Variants in PTPRN2 observed in about 807,000 individuals in gnomAD.
The protein encoded by PTPRN2 is receptor-type tyrosine-protein phosphatase N2.
Under a neutral mutation model 118.8 loss-of-function variants are expected in PTPRN2, and 74 were observed. That is an observed-to-expected ratio of 0.62 (90% CI 0.52 to 0.76). The LOEUF is 0.76. Among genes scored for constraint, PTPRN2 ranks in the 30% least tolerant of loss-of-function variants. The pLI, the probability that PTPRN2 is intolerant of heterozygous loss-of-function variation, is 0.00. For missense variants in PTPRN2, 1,481 were observed against 1,394.4 expected, an observed-to-expected ratio of 1.06 and a Z score of -0.99; for synonymous variants, 641 against 608.0, an observed-to-expected ratio of 1.05 and a Z score of -0.80.
intron 1 of PTPRN2, among the ~76,000 whole-genome samples, chr7:158,545,878 A>T (rs1826247341): frequency 6.6e-6 from 1 of 152,204 alleles, no homozygotes; most frequent in South Asian, 2.1e-4. Context: ...ACGCGCCTGT[A>T]GTCCCAGCTA....
At chr7:157,927,846 C>A (rs918623427) in intron 11 of PTPRN2, among the ~76,000 whole-genome samples, 1 of 152,040 alleles carries the variant, frequency 6.6e-6, no homozygotes, top group African/African-American at 2.4e-5. Context: ...GGGATGTTTA[C>A]GAGTTCTTAC....
intron 10 of PTPRN2, among the ~76,000 whole-genome samples, chr7:158,101,246 T>C (rs4279544): frequency 0.95 from 144,962 of 152,298 alleles, 69,033 homozygotes; most frequent in Middle Eastern, 0.98. Context: ...TGATCTTCGA[T>C]AAAGCAAACA....
At chr7:157,912,794 A>C (rs767761682) in intron 11 of PTPRN2, among the ~76,000 whole-genome samples, 2 of 152,118 alleles carry the variant, frequency 1.3e-5, no homozygotes, top group Non-Finnish European at 2.9e-5. Context: ...CCTGTTATCA[A>C]TCAGTTCTAT....
intron 11 of PTPRN2, among the ~76,000 whole-genome samples, chr7:157,921,134 C>A (rs1022297119): frequency 5.3e-5 from 8 of 152,178 alleles, no homozygotes; most frequent in African/African-American, 1.9e-4. Flanking sequence ...AATAGGATAT[C>A]ATTCAGGGCT....
chr7:158,333,742 T>A (rs1435017594), intron 2 of PTPRN2, among the ~76,000 whole-genome samples: 9 of 146,866 alleles, frequency 6.1e-5, no homozygotes, highest in South Asian at 2.1e-4. Context: ...ACACACATAC[T>A]CTCACCATAA....
intron 1 of PTPRN2, among the ~76,000 whole-genome samples, chr7:158,575,038 A>G (rs182557069): frequency 3.0e-3 from 458 of 152,332 alleles, no homozygotes; most frequent in African/African-American, 0.01. Flanking sequence ...CATTTATTTT[A>G]CACAGGAAAG....
At chr7:158,057,091 G>A (rs1012664223) in intron 11 of PTPRN2, among the ~76,000 whole-genome samples, 5 of 152,200 alleles carry the variant, frequency 3.3e-5, no homozygotes, top group African/African-American at 1.2e-4. Flanking sequence ...ACGCTGCCCA[G>A]CTCCCGATTC....
rs529978779 is a variant in PTPRN2, at chr7:157,831,919, G to C, written c.1788+66754C>G. Among the ~76,000 whole-genome samples the C allele has an allele frequency of 2.0e-5, 3 of 152,346 alleles. No individual in the cohort carries two copies. The highest frequency in any genetic ancestry group is 4.1e-4 in the South Asian group (2 of 4,830). ...GAGGGCAGTTATGGAGCTCCAGAGC[G>C]GGGTAAGTTGTTGGAAAACGGAAAG... On this transcript the variant is annotated intron_variant, in intron 12 of 22. Coordinates refer to ENST00000389418, the MANE Select transcript of PTPRN2 (RefSeq NM_002847.5). This position sits in a 1 kb window ranked among gnomAD's most constrained non-coding sequence, Gnocchi z 4.8.
At chr7:158,186,296 C>T (rs1825125638) in intron 5 of PTPRN2, among the ~76,000 whole-genome samples, 1 of 152,116 alleles carries the variant, frequency 6.6e-6, no homozygotes, top group African/African-American at 2.4e-5. Flanking sequence ...CCTGTGTCCT[C>T]AGCTCTGGCA....
At chr7:157,988,199 TC>T (rs1316770801) in intron 11 of PTPRN2, among the ~76,000 whole-genome samples, 1 of 152,204 alleles carries the variant, frequency 6.6e-6, no homozygotes, top group Admixed American at 6.5e-5. Flanking sequence ...ATGCTGTCTC[TC>T]CCCGGAGCCC....
At chr7:158,031,830 C>T (rs948007632) in intron 11 of PTPRN2, among the ~76,000 whole-genome samples, 21 of 152,200 alleles carry the variant, frequency 1.4e-4, no homozygotes, top group African/African-American at 4.8e-4. Context: ...AAGTCAGACG[C>T]GGGGGCTGTT....
chr7:157,792,114 C>T (rs1336418989), intron 12 of PTPRN2, among the ~76,000 whole-genome samples: 1 of 152,228 alleles, frequency 6.6e-6, no homozygotes, highest in Non-Finnish European at 1.5e-5. Context: ...CCTTATGAAG[C>T]CCCCTCCCCG....
intron 2 of PTPRN2, among the ~76,000 whole-genome samples, chr7:158,383,498 T>C (rs774584097): frequency 1.8e-4 from 28 of 152,226 alleles, no homozygotes; most frequent in Non-Finnish European, 4.1e-4. Context: ...AGTTTTGCCA[T>C]GGAATGCCCT....
intron 2 of PTPRN2, among the ~76,000 whole-genome samples, chr7:158,373,033 TGCACAGGGCA>T (rs1248245608): frequency 2.0e-5 from 3 of 152,200 alleles, no homozygotes; most frequent in Admixed American, 1.3e-4. Flanking sequence ...GAGGATGCGC[TGCACAGGGCA>T]GCACGGCCGA....
intron 3 of PTPRN2, among the ~76,000 whole-genome samples, chr7:158,231,010 T>C (rs1047334522): frequency 3.3e-5 from 5 of 152,244 alleles, no homozygotes; most frequent in Admixed American, 6.5e-5. Flanking sequence ...CTCACACCTG[T>C]AATCTCAGCA....
intron 11 of PTPRN2, among the ~76,000 whole-genome samples, chr7:157,961,747 G>A (rs1223124644): frequency 2.0e-5 from 3 of 152,268 alleles, no homozygotes; most frequent in Admixed American, 1.3e-4. Flanking sequence ...ACTCACACTC[G>A]AAGGCACTTA....
intron 14 of PTPRN2, among the ~76,000 whole-genome samples, chr7:157,654,351 C>T (rs1224779895): frequency 6.6e-6 from 1 of 152,006 alleles, no homozygotes; most frequent in Non-Finnish European, 1.5e-5. Context: ...CCCACCCTGA[C>T]TCCCACCAGC....
intron 1 of PTPRN2, among the ~76,000 whole-genome samples, chr7:158,501,913 C>T (rs899230837): frequency 3.3e-5 from 5 of 152,186 alleles, no homozygotes; most frequent in African/African-American, 1.2e-4. Flanking sequence ...GGCTTCTAAC[C>T]GCGTCACCAT....
chr7:158,434,399 A>G (rs1164235676), intron 2 of PTPRN2, among the ~76,000 whole-genome samples: 5 of 152,230 alleles, frequency 3.3e-5, no homozygotes, highest in African/African-American at 4.8e-5. Context: ...TTCCTGATAG[A>G]CCAACCCTTA....
Sources: allele counts gnomAD v4.1 joint callset (sites outside exome capture counted in the v4.1 genomes callset), GRCh38; gene constraint gnomAD v4.1.1; non-coding constraint Gnocchi (gnomAD v3.1); transcripts MANE v1.5; gene names NCBI Gene and HGNC (gene_info 2026-07-23, HGNC 2026-07-21).